SLC7A5: variants seen among roughly 807,000 people sequenced by gnomAD.
SLC7A5 encodes the protein solute carrier family 7 member 5, also known as large neutral amino acids transporter small subunit 1.
A neutral mutation model predicts 50.2 loss-of-function variants in SLC7A5; 23 were observed. The observed-to-expected ratio is 0.46, with a 90% CI of 0.33 to 0.65. The LOEUF (loss-of-function observed/expected upper bound fraction) is 0.65. Ranked by LOEUF, SLC7A5 falls within the 30% of genes least tolerant of loss-of-function variation. The pLI, the probability that SLC7A5 is intolerant of heterozygous loss-of-function variation, is 0.02. For synonymous variants in SLC7A5, 393 were observed against 330.6 expected (o/e 1.19, Z -2.05); for missense variants, 578 against 684.4 (o/e 0.84, Z 1.73).
At position 87,862,677 on chromosome 16, in the gene SLC7A5, G is replaced by C. The variant is rs940866297; in HGVS notation, c.538+6208C>G. 2.0e-5 allele frequency among the ~76,000 whole-genome samples: 3 copies of C among 152,228 alleles called. No homozygotes were observed. The highest frequency in any genetic ancestry group is 4.4e-5 in the Non-Finnish European group (3 of 68,044). ...ACAGGCACGTGGAGGGACGGTCACA[G>C]CCCGTGCAACTGGCACCTTCACACG... On this transcript the variant is annotated intron_variant, in intron 1 of 9. Coordinates refer to ENST00000261622, the MANE Select transcript of SLC7A5 (RefSeq NM_003486.7). This position sits in a 1 kb window ranked among gnomAD's most constrained non-coding sequence, Gnocchi z 5.3.
chr16:87,840,864 C>A (rs548791322), intron 3 of SLC7A5, among the ~76,000 whole-genome samples, 186 bp downstream of exon 3: 5 of 151,700 alleles, frequency 3.3e-5, no homozygotes, highest in African/African-American at 9.7e-5. Context: ...GGCCTCCCCA[C>A]GCTTCGTCGG....
intron 1 of SLC7A5, among the ~76,000 whole-genome samples, chr16:87,865,456 C>G (rs2055448726): frequency 6.6e-6 from 1 of 152,200 alleles, no homozygotes. Context: ...AGCCTGTAAT[C>G]CCAGCACTTT....
chr16:87,865,878 T>C (rs572341816), intron 1 of SLC7A5, among the ~76,000 whole-genome samples: 3 of 152,136 alleles, frequency 2.0e-5, no homozygotes, highest in East Asian at 3.9e-4. Flanking sequence ...TCCCAGCAAA[T>C]TGGGAGGCTG....
intron 1 of SLC7A5, among the ~76,000 whole-genome samples, chr16:87,867,609 G>A (rs1262599709): frequency 6.6e-6 from 1 of 151,506 alleles, no homozygotes; most frequent in Non-Finnish European, 1.5e-5. Flanking sequence ...AACAGGTCCT[G>A]CCAGTCAGAA....
At position 87,839,614 on chromosome 16, in the gene SLC7A5, G is replaced by A. The variant is rs199739662; in HGVS notation, c.939+88C>T. 1.5e-4 allele frequency: 238 copies of A among 1,591,832 alleles called. No homozygotes were observed. In the African/African-American group the frequency reaches 2.8e-3, roughly 19 times the overall value. ...GCCCCCTCTGCGTAGGGGAGGCTTA[G>A]AGATGTGGGGCACCACTCCGGTCTG... On this transcript the variant is annotated intron_variant, in intron 5 of 9. Coordinates refer to ENST00000261622, the MANE Select transcript of SLC7A5 (RefSeq NM_003486.7).
rs902140286 is a variant in SLC7A5, at chr16:87,855,630, G to A, written c.539-3781C>T. On this transcript the variant is annotated intron_variant, in intron 1 of 9. Transcript: ENST00000261622. ...GCTCTGCTCACCTCCCCTGATGCTG[G>A]CATCTTGGTCTCCTGGCCCCAACTC... Among the ~76,000 whole-genome samples the A allele has an allele frequency of 2.0e-5, 3 of 151,872 alleles. No individual in the cohort carries two copies. The East Asian group carries it at 5.8e-4, about 29-fold the overall frequency.
At chr16:87,867,323 A>C (rs2055475614) in intron 1 of SLC7A5, among the ~76,000 whole-genome samples, 1 of 152,182 alleles carries the variant, frequency 6.6e-6, no homozygotes, top group Admixed American at 6.5e-5. Context: ...GGGAGACTGA[A>C]CCAGTGAAAT....
chr16:87,842,261 A>G (rs1441718925), intron 2 of SLC7A5, among the ~76,000 whole-genome samples: 1 of 152,192 alleles, frequency 6.6e-6, no homozygotes, highest in Non-Finnish European at 1.5e-5. Flanking sequence ...CCTGCTGGAA[A>G]GTCACCAGCC....
rs754957688 is a variant in SLC7A5 at position 87,868,922 on chromosome 16, G to C, written c.501C>G (p.Pro167=). 1.8e-4 allele frequency: 296 copies of C among 1,609,708 alleles called. No homozygotes were observed. The highest frequency in any genetic ancestry group is 2.3e-4 in the Non-Finnish European group (276 of 1,179,126). Residue 167 remains proline, a synonymous_variant, in exon 1 of 10, where the codon CCC becomes CCG. Transcript: ENST00000261622. ...LKPLFPTCPV[P]EEAAKLVACL... is the part of the protein sequence containing the mutation. The stretch of plus-strand genomic sequence containing the variant: ...AGGCCACGAGCTTGGCTGCCTCCTC[G>C]GGCACCGGGCAGGTGGGGAAGAGCG...
At chr16:87,840,106 A>C (rs1481422730) in intron 4 of SLC7A5, among the ~76,000 whole-genome samples, 1 of 152,186 alleles carries the variant, frequency 6.6e-6, no homozygotes, top group Non-Finnish European at 1.5e-5. Flanking sequence ...CAGGAGAGTT[A>C]AGTCAGGCCA....
Position 87,846,259 on chromosome 16 carries a change from T to A in SLC7A5, c.665-5104A>T, listed in dbSNP as rs113604267. The stretch of plus-strand genomic sequence containing the variant: ...CTGTCTGAGATGCCTCACAGAGAGA[T>A]GCCCTGGAGTCCCCCACAGGCAGGC... On this transcript the variant is annotated intron_variant, in intron 2 of 9. Coordinates refer to ENST00000261622, the MANE Select transcript of SLC7A5 (RefSeq NM_003486.7). Among the ~76,000 whole-genome samples, 475 of 152,316 alleles carry A rather than the reference T, an allele frequency of 3.1e-3. 2 individuals are homozygous for A. The highest frequency in any genetic ancestry group is 0.011 in the African/African-American group (460 of 41,558).
intron 2 of SLC7A5, 49 bp downstream of exon 2, chr16:87,851,675 C>T (rs2055225471): frequency 6.3e-7 from 1 of 1,596,556 alleles, no homozygotes; most frequent in Non-Finnish European, 8.6e-7. Context: ...GAAGGACACA[C>T]AGGCAAAGCC....
Position 87,861,338 on chromosome 16 carries a change from G to T in SLC7A5, c.538+7547C>A, listed in dbSNP as rs1334779043. Among the ~76,000 whole-genome samples the T allele has an allele frequency of 6.6e-6, 1 of 152,130 alleles. No homozygotes were observed. Among genetic ancestry groups the T allele is most frequent in the African/African-American group, 2.4e-5 (1 of 41,434 alleles). Reference sequence around the variant, plus strand: ...CTCTGACCCACCTGTGTCCTTACCTGGGCCGACTGGGCCACCCAGTCTTGC... The same window carrying T: ...CTCTGACCCACCTGTGTCCTTACCTTGGCCGACTGGGCCACCCAGTCTTGC... On this transcript the variant is annotated intron_variant, in intron 1 of 9. Transcript: ENST00000261622. This position sits in a 1 kb window ranked among gnomAD's most constrained non-coding sequence, Gnocchi z 4.2.
Position 87,833,138 on chromosome 16 carries a change from T to C in SLC7A5, c.1469-113A>G, listed in dbSNP as rs542608402. On this transcript the variant is annotated intron_variant, in intron 9 of 9. Coordinates refer to ENST00000261622, the MANE Select transcript of SLC7A5 (RefSeq NM_003486.7). This position sits in a 1 kb window ranked among gnomAD's most constrained non-coding sequence, Gnocchi z 6.0. Reference sequence around the variant, plus strand: ...CTGCTGTCACCAAACCCAGCGCCGCTGCCCAGCGCTGGGATTTTAAGGAAC... The same window carrying C: ...CTGCTGTCACCAAACCCAGCGCCGCCGCCCAGCGCTGGGATTTTAAGGAAC... The C allele has an allele frequency of 2.4e-4, 204 of 860,350 alleles. 1 individual carries two copies. In the South Asian group the frequency reaches 2.6e-3, roughly 11 times the overall value. The allele number at this position is 860,350 out of a possible 1,614,324, so 53.3% of individuals were successfully genotyped here.
chr16:87,868,841 A>C, intron 1 of SLC7A5, 44 bp downstream of exon 1: 2 of 1,555,318 alleles, frequency 1.3e-6, no homozygotes, highest in Non-Finnish European at 1.7e-6. Context: ...GCAGGGACCC[A>C]GAGACTACGA....
chr16:87,843,054 C>G (rs975017164), intron 2 of SLC7A5, among the ~76,000 whole-genome samples: 2 of 152,118 alleles, frequency 1.3e-5, no homozygotes, highest in Non-Finnish European at 2.9e-5. Flanking sequence ...CTGCCTCCCC[C>G]ATCTGGCACT....
chr16:87,832,835 G>C lies in SLC7A5; in HGVS notation c.*135C>G, dbSNP rs184153181. 3.9e-6 allele frequency: 3 copies of C among 763,780 alleles called. No homozygotes were observed. The highest frequency in any genetic ancestry group is 7.1e-6 in the Non-Finnish European group (3 of 423,066). The allele number at this position is 763,780 out of a possible 1,614,324, so 47.3% of individuals were successfully genotyped here. ...GTTTTCACAGCAGCCTCCACTGCCCGACCTGGGAGGGACGGCGAGGGACTG... is the reference window on the plus strand; with the variant it reads ...GTTTTCACAGCAGCCTCCACTGCCCCACCTGGGAGGGACGGCGAGGGACTG... On this transcript the variant is annotated 3_prime_UTR_variant, in exon 10 of 10. Coordinates refer to ENST00000261622, the MANE Select transcript of SLC7A5 (RefSeq NM_003486.7). This position sits in a 1 kb window ranked among gnomAD's most constrained non-coding sequence, Gnocchi z 4.6.
In SLC7A5 at chr16:87,841,161, AG is replaced by A; in HGVS notation, c.665-7del. 1 of 1,593,532 alleles carries A rather than the reference AG, an allele frequency of 6.3e-7. No homozygotes were observed. The highest frequency in any genetic ancestry group is 8.6e-7 in the Non-Finnish European group (1 of 1,161,482). On this transcript the variant is annotated splice_polypyrimidine_tract_variant and splice_region_variant and intron_variant, in intron 2 of 9. Transcript: ENST00000261622. This position sits in a 1 kb window ranked among gnomAD's most constrained non-coding sequence, Gnocchi z 4.8. The stretch of plus-strand genomic sequence containing the variant: ...ATCTAGATTGGACACATCACCTGGC[AG>A]GGCCAAAGAAAGGAATGCTGGGTTA...
intron 5 of SLC7A5, among the ~76,000 whole-genome samples, chr16:87,839,029 C>T (rs2055048916): frequency 6.6e-6 from 1 of 152,216 alleles, no homozygotes; most frequent in African/African-American, 2.4e-5. Context: ...TGTTGGGGAG[C>T]CCTTGCTGGT....
Sources: gnomAD v4.1 joint callset for allele counts (sites outside exome capture counted in the v4.1 genomes callset) on GRCh38, gnomAD v4.1.1 for gene constraint, Gnocchi (gnomAD v3.1) non-coding constraint, MANE v1.5 for transcripts, NCBI Gene and HGNC (gene_info 2026-07-23, HGNC 2026-07-21) for gene names.